UTRN: variants seen among roughly 807,000 people sequenced by gnomAD.
UTRN encodes the protein utrophin.
In UTRN, 283 loss-of-function variants were observed where a neutral mutation model predicts 463.9. The observed-to-expected ratio is 0.61, with a 90% CI of 0.55 to 0.67. The LOEUF (loss-of-function observed/expected upper bound fraction) is 0.67, where lower values mean the gene tolerates loss of function less well. Among genes scored for constraint, UTRN ranks in the 30% least tolerant of loss-of-function variants. The pLI is 0.00. For missense variants in UTRN, 3,922 were observed against 4,084.3 expected (o/e 0.96, Z 1.08); for synonymous variants, 1,442 against 1,431.5 (o/e 1.01, Z -0.17).
At chr6:144,485,350 G>T (rs762173757) in intron 27 of UTRN, 35 bp from the exon 28 acceptor site, 7 of 1,613,130 alleles carry the variant, frequency 4.3e-6, no homozygotes, top group Non-Finnish European at 5.9e-6. Context: ...GTGTGAAATG[G>T]CTTTTTGTCT....
chr6:144,821,942 C>T (rs78815126), intron 66 of UTRN, among the ~76,000 whole-genome samples: 5,161 of 151,988 alleles, frequency 0.034, 279 homozygotes, highest in African/African-American at 0.12. Context: ...AGAAAGACAC[C>T]GTCTCAGATG....
chr6:144,462,825 C>T lies in UTRN; in HGVS notation c.3025C>T (p.His1009Tyr). Reference protein sequence around the residue: ...KLKVLVSKDLHLLEEIALTLR... With the variant: ...KLKVLVSKDLYLLEEIALTLR... ...AAAGGTCTTGGTTTCCAAAGATCTACATTTGCTTGAGGAAATTGCTCTCAC... is the reference window on the plus strand; with the variant it reads ...AAAGGTCTTGGTTTCCAAAGATCTATATTTGCTTGAGGAAATTGCTCTCAC... The change falls in exon 23 of 75, where the codon CAT (histidine) becomes TAT (tyrosine). Residue 1009 changes from histidine to tyrosine, a missense_variant. His to Tyr is a moderately conservative substitution (Grantham distance 83). Around this residue, in one of 3 missense-constraint regions of UTRN, gnomAD observed 2,349 missense variants for 2,303.8 expected, o/e 1.02. Transcript: ENST00000367545. 6.2e-7 allele frequency: 1 copy of T among 1,607,910 alleles called. No homozygotes were observed.
At chr6:144,744,875 G>A (rs1790536196) in intron 54 of UTRN, among the ~76,000 whole-genome samples, 1 of 152,166 alleles carries the variant, frequency 6.6e-6, no homozygotes, top group Non-Finnish European at 1.5e-5. Context: ...AGAACCCAGT[G>A]GAGTGGAAAT....
intron 45 of UTRN, among the ~76,000 whole-genome samples, chr6:144,539,819 A>T (rs1460094661): frequency 6.6e-6 from 1 of 151,914 alleles, no homozygotes; most frequent in Non-Finnish European, 1.5e-5. Context: ...AGATGGGGGG[A>T]ATCACATGAG....
chr6:144,628,660 A>G (rs1383621048), intron 51 of UTRN, among the ~76,000 whole-genome samples: 1 of 152,168 alleles, frequency 6.6e-6, no homozygotes, highest in African/African-American at 2.4e-5. Flanking sequence ...TCATATCCTA[A>G]ATAGAATCAT....
In UTRN at chr6:144,607,661, T is replaced by G. The variant is rs549150762; in HGVS notation, c.7479+30373T>G. Among the ~76,000 whole-genome samples the G allele has an allele frequency of 2.2e-4, 34 of 152,260 alleles. No individual in the cohort carries two copies. The South Asian group carries it at 6.0e-3, about 27-fold the overall frequency. ...GTACACTAGACTTCATCAGTACACT[T>G]AGAGATGGACACTCATCATCATGAT... On this transcript the variant is annotated intron_variant, in intron 51 of 74. Transcript: ENST00000367545.
chr6:144,598,480 G>A (rs1468567002), intron 51 of UTRN, among the ~76,000 whole-genome samples: 1 of 152,056 alleles, frequency 6.6e-6, no homozygotes, highest in Non-Finnish European at 1.5e-5. Context: ...GATTGTAAAT[G>A]TTTCTTATCA....
intron 34 of UTRN, among the ~76,000 whole-genome samples, chr6:144,501,963 A>T (rs1794225988): frequency 6.6e-6 from 1 of 152,116 alleles, no homozygotes; most frequent in African/African-American, 2.4e-5. Flanking sequence ...TTTTACTCTA[A>T]TTCTGACCAT....
At chr6:144,429,809 A>G (rs980741244) in intron 9 of UTRN, 68 bp downstream of exon 9, 11 of 1,534,170 alleles carry the variant, frequency 7.2e-6, no homozygotes, top group African/African-American at 2.8e-5. Context: ...CTAGATAAAA[A>G]CACTTTTAGA....
chr6:144,526,737 A>G (rs887878796), intron 41 of UTRN, among the ~76,000 whole-genome samples: 5 of 148,402 alleles, frequency 3.4e-5, no homozygotes, highest in Non-Finnish European at 7.4e-5. Context: ...TTGTTGCCTC[A>G]ATACCTTGGT....
intron 36 of UTRN, 89 bp downstream of exon 36, chr6:144,514,126 T>C: frequency 1.3e-6 from 2 of 1,511,814 alleles, no homozygotes; most frequent in South Asian, 2.5e-5. Context: ...GTTACTTAGC[T>C]CTCATTCCTC....
At chr6:144,422,083 T>A in intron 4 of UTRN, 113 bp downstream of exon 4, 1 of 807,898 alleles carries the variant, frequency 1.2e-6, no homozygotes, top group Non-Finnish European at 1.8e-6. Flanking sequence ...CGTTCAAATG[T>A]AAAGGCTGAA....
At chr6:144,418,815 G>C (rs967828060) in intron 3 of UTRN, among the ~76,000 whole-genome samples, 1 of 152,068 alleles carries the variant, frequency 6.6e-6, no homozygotes, top group South Asian at 2.1e-4. Context: ...GCCTCCCAAA[G>C]TGCTGAGATT....
chr6:144,837,658 A>G (rs573280287), intron 71 of UTRN, among the ~76,000 whole-genome samples: 9 of 152,228 alleles, frequency 5.9e-5, no homozygotes, highest in African/African-American at 2.2e-4. Context: ...CTCTCCAGTG[A>G]TTCTCTCAAA....
At position 144,444,308 on chromosome 6, in the gene UTRN, T is replaced by C. The variant is rs765698275; in HGVS notation, c.1540T>C (p.Cys514Arg). 1.9e-6 allele frequency: 3 copies of C among 1,611,856 alleles called. No homozygotes were observed. In the African/African-American group the frequency reaches 4.0e-5, roughly 22 times the overall value. Residue 514 changes from cysteine to arginine, a missense_variant, in exon 14 of 75, where the codon TGC becomes CGC. By Grantham distance (180) the Cys-to-Arg change is radical. This residue lies in a region of UTRN where 2,349 missense variants were observed against 2,303.8 expected (regional missense o/e 1.02). Coordinates refer to ENST00000367545, the MANE Select transcript of UTRN (RefSeq NM_007124.3). ...QKLGERWTAV[C>R]RWTEERWNRL... Reference sequence around the variant, plus strand: ...ACTTGGTGAGCGCTGGACAGCAGTATGCCGTTGGACTGAAGAACGCTGGAA... The same window carrying C: ...ACTTGGTGAGCGCTGGACAGCAGTACGCCGTTGGACTGAAGAACGCTGGAA...
At chr6:144,300,581 T>G (rs1297282828) in intron 2 of UTRN, among the ~76,000 whole-genome samples, 2 of 152,168 alleles carry the variant, frequency 1.3e-5, no homozygotes, top group African/African-American at 2.4e-5. Flanking sequence ...ACCTTCAGAG[T>G]GACTTGAGAT....
chr6:144,765,908 A>G (rs907257486), intron 58 of UTRN, among the ~76,000 whole-genome samples: 1 of 151,826 alleles, frequency 6.6e-6, no homozygotes. Flanking sequence ...TGAAATTCTG[A>G]CCTCCACGCT....
intron 2 of UTRN, among the ~76,000 whole-genome samples, chr6:144,335,395 T>G (rs1584325408): frequency 6.6e-6 from 1 of 152,236 alleles, no homozygotes; most frequent in Admixed American, 6.5e-5. Context: ...TGTAGAGCAT[T>G]TTAATAACAG....
At chr6:144,605,984 T>C (rs1804807319) in intron 51 of UTRN, among the ~76,000 whole-genome samples, 1 of 152,212 alleles carries the variant, frequency 6.6e-6, no homozygotes, top group African/African-American at 2.4e-5. Flanking sequence ...AAACTCTTTC[T>C]TGGAAATTTA....
Sources: gnomAD v4.1 joint callset for allele counts (sites outside exome capture counted in the v4.1 genomes callset) on GRCh38, gnomAD v4.1.1 for gene constraint, gnomAD v4.1.1 regional missense constraint, MANE v1.5 for transcripts, NCBI Gene and HGNC (gene_info 2026-07-23, HGNC 2026-07-21) for gene names.